Variants in PSMC3 observed in about 807,000 individuals in gnomAD.
The protein encoded by PSMC3 is proteasome 26S subunit, ATPase 3.
In PSMC3, 11 loss-of-function variants were observed where a neutral mutation model predicts 52.0. The observed-to-expected ratio is 0.21, with a 90% CI of 0.13 to 0.35. The LOEUF is 0.35. PSMC3 is among the 10% of genes least tolerant of loss of function. The pLI is 1.00. For missense variants in PSMC3, 238 were observed against 567.1 expected (o/e 0.42, Z 5.89); for synonymous variants, 201 against 218.8 (o/e 0.92, Z 0.72).
rs779747683 is a variant in PSMC3, at chr11:47,424,528, C to T, written c.391-37G>A. 3 of 1,611,536 alleles carry T rather than the reference C, an allele frequency of 1.9e-6. No individual in the cohort carries two copies. Among genetic ancestry groups the T allele is most frequent in the Admixed American group, 3.3e-5 (2 of 60,004 alleles). ...TTACAGGGGCAGTCTCAGTTAGTGTCCTCAGGGAAGGCTCCCTAGTCCTGT... is the reference window on the plus strand; with the variant it reads ...TTACAGGGGCAGTCTCAGTTAGTGTTCTCAGGGAAGGCTCCCTAGTCCTGT... On this transcript the variant is annotated intron_variant, in intron 4 of 11. Transcript: ENST00000298852. This position sits in a 1 kb window ranked among gnomAD's most constrained non-coding sequence, Gnocchi z 4.8.
Position 47,426,187 on chromosome 11 carries a change from A to G in PSMC3, c.75+18T>C. ...TGCGGGCCCCGGTTCCCGGACCGCC[A>G]GCTCGCCCGGTGCCCACCTCGGCCT... On this transcript the variant is annotated intron_variant, in intron 1 of 11. Transcript: ENST00000298852. 6.4e-7 allele frequency: 1 copy of G among 1,552,984 alleles called. No individual in the cohort carries two copies. Among genetic ancestry groups the G allele is most frequent in the Non-Finnish European group, 8.7e-7 (1 of 1,148,500 alleles).
chr11:47,426,086 A>T (rs1248147960), intron 1 of PSMC3, 119 bp downstream of exon 1: 11 of 1,426,650 alleles, frequency 7.7e-6, no homozygotes, highest in Non-Finnish European at 1.1e-5. Context: ...CCCACATCCC[A>T]AACAACCCCG....
chr11:47,419,939 T>C (rs896207233), intron 10 of PSMC3, among the ~76,000 whole-genome samples: 1 of 151,592 alleles, frequency 6.6e-6, no homozygotes, highest in Non-Finnish European at 1.5e-5. Context: ...TGAACTCAAG[T>C]CCATCTGGTC....
chr11:47,419,005 G>T, intron 11 of PSMC3, 60 bp from the exon 12 acceptor site: 5 of 1,607,130 alleles, frequency 3.1e-6, no homozygotes, highest in Non-Finnish European at 4.3e-6. Context: ...CTGGCTCCCT[G>T]AGGCTCAGGC....
intron 8 of PSMC3, among the ~76,000 whole-genome samples, chr11:47,421,152 C>G: frequency 6.8e-6 from 1 of 146,622 alleles, no homozygotes; most frequent in Non-Finnish European, 1.5e-5. Flanking sequence ...ACTCGGGACA[C>G]TGAGGCAGAA....
At chr11:47,420,117 G>C (rs903527157) in intron 10 of PSMC3, 147 bp downstream of exon 10, 213 of 939,630 alleles carry the variant, frequency 2.3e-4, no homozygotes, top group Non-Finnish European at 6.6e-5. Flanking sequence ...GAGAAACGGA[G>C]GCTGGCGTGT....
intron 10 of PSMC3, 43 bp downstream of exon 10, chr11:47,420,221 G>T: frequency 6.2e-7 from 1 of 1,603,044 alleles, no homozygotes. Context: ...ACATCCTCCT[G>T]CGCCTGTTCA....
intron 10 of PSMC3, among the ~76,000 whole-genome samples, 190 bp downstream of exon 10, chr11:47,420,074 G>A (rs2096038551): frequency 1.3e-5 from 2 of 152,130 alleles, no homozygotes; most frequent in Admixed American, 1.3e-4. Context: ...TTACGACATG[G>A]GCCCTGGCAA....
At position 47,424,416 on chromosome 11, in the gene PSMC3, A is replaced by T; in HGVS notation, c.453+13T>A. ...CACCAGAAAAGCACTGCCTGGGCTC[A>T]GGCCCCACTCACCACCAGGTCTCCT... is the stretch of plus-strand genomic sequence containing the variant. On this transcript the variant is annotated intron_variant, in intron 5 of 11. Coordinates refer to ENST00000298852, the MANE Select transcript of PSMC3 (RefSeq NM_002804.5). The surrounding 1 kb of genome is among the most constrained non-coding windows in gnomAD (Gnocchi z 4.8). 1 of 1,613,696 alleles carries T rather than the reference A, an allele frequency of 6.2e-7. No individual in the cohort carries two copies. Among genetic ancestry groups the T allele is most frequent in the Non-Finnish European group, 8.5e-7 (1 of 1,179,552 alleles).
At chr11:47,420,139 G>T in intron 10 of PSMC3, 125 bp downstream of exon 10, 1 of 1,150,742 alleles carries the variant, frequency 8.7e-7, no homozygotes, top group Non-Finnish European at 1.3e-6. Flanking sequence ...GAACGGTGCT[G>T]TGTGTGCCTG....
In PSMC3 at chr11:47,425,329, G is replaced by A. The variant is rs974067338; in HGVS notation, c.160-83C>T. ...CCCTGTAACTAGTGAGGTCCAGGGT[G>A]CCCAGGGGACCCTCCCGCATCCATT... On this transcript the variant is annotated intron_variant, in intron 2 of 11. Transcript: ENST00000298852. The A allele has an allele frequency of 2.6e-6, 4 of 1,541,536 alleles. No individual in the cohort carries two copies. The African/African-American group carries it at 4.1e-5, about 16-fold the overall frequency.
In PSMC3 at chr11:47,419,151, T is replaced by C; in HGVS notation, c.1174A>G (p.Asn392Asp). ...CACACAGCCTTGCACTGGGCCCCAT[T>C]GAAGTCATCTGTGCAGCGGGCCAGC... is the stretch of plus-strand genomic sequence containing the variant. The part of the protein sequence containing the change: ...EELARCTDDF[N>D]GAQCKAVCVE... The change falls in exon 11 of 12, where the codon AAT (asparagine) becomes GAT (aspartate). Residue 392 changes from asparagine (N) to aspartate (D), a missense_variant. Asn to Asp is a conservative substitution (Grantham distance 23). Coordinates refer to ENST00000298852, the MANE Select transcript of PSMC3 (RefSeq NM_002804.5). 1 of 1,614,102 alleles carries C rather than the reference T, an allele frequency of 6.2e-7. No individual in the cohort carries two copies. Among genetic ancestry groups the C allele is most frequent in the Non-Finnish European group, 8.5e-7 (1 of 1,180,020 alleles).
In PSMC3 at chr11:47,426,339, C is replaced by G. The variant is rs144857043; in HGVS notation, c.-60G>C. ...GGGAGCCGCAACGGGAGATTAATACCGTCTTTCTTAAAGCCTTCTCTTGAC... is the reference window on the plus strand; with the variant it reads ...GGGAGCCGCAACGGGAGATTAATACGGTCTTTCTTAAAGCCTTCTCTTGAC... On this transcript the variant is annotated 5_prime_UTR_variant, in exon 1 of 12. Coordinates refer to ENST00000298852, the MANE Select transcript of PSMC3 (RefSeq NM_002804.5). 1.4e-6 allele frequency: 2 copies of G among 1,420,948 alleles called. No individual in the cohort carries two copies. Among genetic ancestry groups the G allele is most frequent in the African/African-American group, 1.4e-5 (1 of 69,728 alleles). The allele number at this position is 1,420,948 out of a possible 1,614,324, so 88.0% of individuals were successfully genotyped here.
At chr11:47,425,834 G>A in intron 2 of PSMC3, 33 bp downstream of exon 2, 1 of 1,593,206 alleles carries the variant, frequency 6.3e-7, no homozygotes, top group Non-Finnish European at 8.6e-7. Context: ...TCCTGTGGGG[G>A]CTCCATCGCC....
intron 6 of PSMC3, among the ~76,000 whole-genome samples, chr11:47,423,724 G>T (rs889274675): frequency 6.6e-6 from 1 of 151,966 alleles, no homozygotes; most frequent in East Asian, 1.9e-4. Flanking sequence ...GGGAGGCAGA[G>T]GTTGCGGTGA....
At chr11:47,425,033 C>G in intron 3 of PSMC3, 88 bp downstream of exon 3, 1 of 1,576,526 alleles carries the variant, frequency 6.3e-7, no homozygotes. Flanking sequence ...GCCTCAATAC[C>G]TCCACCCACT....
chr11:47,419,060 C>A, intron 11 of PSMC3, 56 bp downstream of exon 11: 5 of 1,605,044 alleles, frequency 3.1e-6, no homozygotes, highest in Non-Finnish European at 4.3e-6. Flanking sequence ...CCCATCCTGT[C>A]CAGGGAGGGG....
intron 10 of PSMC3, 54 bp from the exon 11 acceptor site, chr11:47,419,251 G>A: frequency 6.3e-7 from 1 of 1,586,070 alleles, no homozygotes; most frequent in Non-Finnish European, 8.7e-7. Context: ...ATGGGCAGAG[G>A]GGCCAAATAT....
At position 47,422,596 on chromosome 11, in the gene PSMC3, A is replaced by G. The variant is rs2096041891; in HGVS notation, c.862T>C (p.Leu288=). 1.9e-6 allele frequency: 3 copies of G among 1,613,888 alleles called. No individual in the cohort carries two copies. The highest frequency in any genetic ancestry group is 2.5e-6 in the Non-Finnish European group (3 of 1,179,990). Residue 288 remains leucine (L), a synonymous_variant, in exon 8 of 12, where the codon TTG becomes CTG. Transcript: ENST00000298852. The surrounding 1 kb of genome is among the most constrained non-coding windows in gnomAD (Gnocchi z 4.3). ...TACCGCTTGGTGCCGATGGCATCCA[A>G]CTCATCAATGAAGATGATAGAGGGC... ...KAPSIIFIDE[L]DAIGTKRFDS...
Sources: allele counts gnomAD v4.1 joint callset (sites outside exome capture counted in the v4.1 genomes callset), GRCh38; gene constraint gnomAD v4.1.1; non-coding constraint Gnocchi (gnomAD v3.1); transcripts MANE v1.5; gene names NCBI Gene and HGNC (gene_info 2026-07-23, HGNC 2026-07-21).